Variants in LRP1B observed in about 807,000 individuals in gnomAD.
LRP1B encodes LDL receptor related protein 1B, also known as low-density lipoprotein receptor-related protein 1B.
Under a neutral mutation model 556.6 loss-of-function variants are expected in LRP1B, and 217 were observed. That is an observed-to-expected ratio of 0.39 (90% CI 0.35 to 0.44). The LOEUF (loss-of-function observed/expected upper bound fraction) is 0.44. Ranked by LOEUF, LRP1B falls within the 20% of genes least tolerant of loss-of-function variation. LRP1B has a pLI of 1.00. For synonymous variants in LRP1B, 2,047 were observed against 1,865.8 expected, an observed-to-expected ratio of 1.10 and a Z score of -2.50; for missense variants, 5,053 against 5,620.8, an observed-to-expected ratio of 0.90 and a Z score of 3.23.
chr2:142,033,969 T>A (rs1703790695), intron 1 of LRP1B, among the ~76,000 whole-genome samples: 1 of 151,802 alleles, frequency 6.6e-6, no homozygotes, highest in Non-Finnish European at 1.5e-5. Context: ...AGGCATCACA[T>A]GAAGCTCATT....
intron 2 of LRP1B, among the ~76,000 whole-genome samples, chr2:141,699,645 T>A: frequency 6.6e-6 from 1 of 151,582 alleles, no homozygotes; most frequent in Non-Finnish European, 1.5e-5. Context: ...TATGGTGGCA[T>A]AGCCTTCCAG....
At chr2:140,845,954 A>G (rs1464248835) in intron 29 of LRP1B, among the ~76,000 whole-genome samples, 5 of 152,164 alleles carry the variant, frequency 3.3e-5, no homozygotes, top group Non-Finnish European at 2.9e-5. Flanking sequence ...AGACTGAGTT[A>G]GAGAAAACAG....
intron 41 of LRP1B, among the ~76,000 whole-genome samples, chr2:140,664,514 A>AT (rs753577163): frequency 1.3e-5 from 2 of 152,144 alleles, no homozygotes; most frequent in African/African-American, 4.8e-5. Flanking sequence ...AAAATAATTT[A>AT]TTTTTTAAAA....
At chr2:141,940,911 C>T (rs988440487) in intron 1 of LRP1B, among the ~76,000 whole-genome samples, 78 of 152,280 alleles carry the variant, frequency 5.1e-4, no homozygotes, top group African/African-American at 1.9e-3. Context: ...ACTTACCCAA[C>T]GTCACCTAGC....
chr2:140,848,824 G>T (rs1042001675), intron 29 of LRP1B, among the ~76,000 whole-genome samples: 2 of 151,962 alleles, frequency 1.3e-5, no homozygotes, highest in Admixed American at 1.3e-4. Context: ...CAAATATTAG[G>T]ATAATTCAAT....
chr2:141,881,816 A>G (rs1350960861), intron 1 of LRP1B, among the ~76,000 whole-genome samples: 3 of 152,270 alleles, frequency 2.0e-5, no homozygotes, highest in Non-Finnish European at 4.4e-5. Context: ...TCACCTAGAA[A>G]TCAGTTTACT....
At chr2:142,016,359 C>T (rs892842328) in intron 1 of LRP1B, among the ~76,000 whole-genome samples, 3 of 152,108 alleles carry the variant, frequency 2.0e-5, no homozygotes, top group Non-Finnish European at 4.4e-5. Flanking sequence ...AATCATTCTA[C>T]TATAAAGGCA....
Position 141,980,351 on chromosome 2 carries a change from G to A in LRP1B, c.82+150297C>T, listed in dbSNP as rs545335710. Among the ~76,000 whole-genome samples, 5 of 152,096 alleles carry A rather than the reference G, an allele frequency of 3.3e-5. No individual in the cohort carries two copies. In the South Asian group the frequency reaches 1.0e-3, roughly 32 times the overall value. ...ATGCTACAATAAAATGTCCTAGAAAGGCTTTGCACAATTACGTGGGTTTAA... is the reference window on the plus strand; with the variant it reads ...ATGCTACAATAAAATGTCCTAGAAAAGCTTTGCACAATTACGTGGGTTTAA... On this transcript the variant is annotated intron_variant, in intron 1 of 90. Transcript: ENST00000389484.
intron 7 of LRP1B, among the ~76,000 whole-genome samples, chr2:141,175,786 A>G (rs1354921347): frequency 6.6e-6 from 1 of 152,074 alleles, no homozygotes; most frequent in African/African-American, 2.4e-5. Context: ...AGCTTGCACC[A>G]TGCACCTGGA....
intron 3 of LRP1B, among the ~76,000 whole-genome samples, chr2:141,327,037 G>T (rs913245498): frequency 6.6e-6 from 1 of 152,098 alleles, no homozygotes; most frequent in African/African-American, 2.4e-5. Flanking sequence ...AACAATGAGA[G>T]ATAAATGAGA....
At chr2:141,016,107 T>G (rs1361624305) in intron 12 of LRP1B, among the ~76,000 whole-genome samples, 192 bp from the exon 13 acceptor site, 3 of 152,104 alleles carry the variant, frequency 2.0e-5, no homozygotes, top group Non-Finnish European at 4.4e-5. Flanking sequence ...TTGGTAGAAC[T>G]GTGCATTTAC....
chr2:141,317,120 G>C (rs1477226695), intron 3 of LRP1B, among the ~76,000 whole-genome samples: 1 of 152,168 alleles, frequency 6.6e-6, no homozygotes, highest in Non-Finnish European at 1.5e-5. Context: ...GAATGAGGTT[G>C]CCACACTAAG....
chr2:141,848,650 G>A (rs1697739993), intron 1 of LRP1B, among the ~76,000 whole-genome samples: 1 of 151,416 alleles, frequency 6.6e-6, no homozygotes, highest in Admixed American at 6.6e-5. Flanking sequence ...AATGTATATA[G>A]ATGAACTCTG....
intron 3 of LRP1B, among the ~76,000 whole-genome samples, chr2:141,461,148 C>T (rs1220889809): frequency 6.6e-6 from 1 of 151,974 alleles, no homozygotes; most frequent in Non-Finnish European, 1.5e-5. Flanking sequence ...AAGGACAGAG[C>T]CTGCATAAGG....
chr2:141,928,851 A>C (rs917004628), intron 1 of LRP1B, among the ~76,000 whole-genome samples: 1 of 152,144 alleles, frequency 6.6e-6, no homozygotes, highest in Non-Finnish European at 1.5e-5. Flanking sequence ...GGTCAAGAGC[A>C]AAAACATGTA....
intron 10 of LRP1B, among the ~76,000 whole-genome samples, chr2:141,052,852 C>G (rs1440617843): frequency 6.6e-6 from 1 of 151,826 alleles, no homozygotes; most frequent in African/African-American, 2.4e-5. Context: ...TGCCCAGGCT[C>G]TTATTGAAAT....
At chr2:141,719,753 A>G (rs1424552032) in intron 2 of LRP1B, among the ~76,000 whole-genome samples, 1 of 152,126 alleles carries the variant, frequency 6.6e-6, no homozygotes, top group Admixed American at 6.6e-5. Context: ...ATTATAAAAT[A>G]ATTAACACAG....
At chr2:140,253,000 T>G (rs1029877043) in intron 86 of LRP1B, among the ~76,000 whole-genome samples, 15 of 152,120 alleles carry the variant, frequency 9.9e-5, no homozygotes, top group African/African-American at 3.1e-4. Flanking sequence ...ATAATTTCTA[T>G]TTATTCAATA....
chr2:141,451,291 CA>C (rs573362914), intron 3 of LRP1B, among the ~76,000 whole-genome samples: 8 of 152,240 alleles, frequency 5.3e-5, no homozygotes, highest in Admixed American at 1.3e-4. Flanking sequence ...TGTATCCATC[CA>C]ATGTTTTAAG....
Sources: gnomAD v4.1 joint callset for allele counts (sites outside exome capture counted in the v4.1 genomes callset) on GRCh38, gnomAD v4.1.1 for gene constraint, MANE v1.5 for transcripts, NCBI Gene and HGNC (gene_info 2026-07-23, HGNC 2026-07-21) for gene names.